NUDT8: variants seen among roughly 807,000 people sequenced by gnomAD.
The protein encoded by NUDT8 is mitochondrial coenzyme A diphosphatase NUDT8.
NUDT8 carries 14 observed loss-of-function variants against 12.5 expected under a neutral mutation model. The ratio of observed to expected loss-of-function variants is 1.12; its 90% CI spans 0.74 to 1.75. NUDT8 has a LOEUF of 1.75. NUDT8 is among the 40% of genes most tolerant of loss of function. The pLI is 0.00. For synonymous variants in NUDT8, 163 were observed against 156.2 expected (o/e 1.04, Z -0.33); for missense variants, 337 against 318.5 (o/e 1.06, Z -0.44).
chr11:67,629,167 G>C, intron 1 of NUDT8, 116 bp from the exon 2 acceptor site: 1 of 1,157,886 alleles, frequency 8.6e-7, no homozygotes, highest in Non-Finnish European at 1.2e-6. Context: ...TCTGCCCCTA[G>C]TTTACTGGGA....
intron 1 of NUDT8, 125 bp downstream of exon 1, chr11:67,629,593 C>T: frequency 2.1e-6 from 1 of 483,098 alleles, no homozygotes. Context: ...AGGGACTCTC[C>T]CCAGACCCAT....
chr11:67,629,847 GTGGC>G lies in NUDT8; in HGVS notation c.61_64del (p.Ala21ArgfsTer35). 1 of 1,278,146 alleles carries G rather than the reference GTGGC, an allele frequency of 7.8e-7. No homozygotes were observed. 79.2% of individuals were successfully genotyped at this position (1,278,146 alleles called of 1,614,324 possible). ...CGCGGGCCGCGCGCGGAGCCGGGCC[GTGGC>G]CCCTGCCAGCAGCCGGCGGCAGCGC... On this transcript the variant is annotated frameshift_variant, in exon 1 of 4. Transcript: ENST00000376693. LOFTEE classifies it high-confidence loss of function.
intron 2 of NUDT8, 81 bp downstream of exon 2, chr11:67,628,838 C>T (rs2134094681): frequency 6.6e-7 from 1 of 1,520,742 alleles, no homozygotes; most frequent in Non-Finnish European, 8.9e-7. Context: ...CATGACCACT[C>T]TCCTGGTCCC....
In NUDT8 at chr11:67,628,989, GTTTCCC is replaced by G; in HGVS notation, c.251_256del (p.Arg84_Thr86delinsPro). On this transcript the variant is annotated inframe_deletion, in exon 2 of 4. Transcript: ENST00000376693. ...CACTGCCAGGCCCAGCTCCTCCCGG[GTTTCCC>G]GCAGGGCCGTGTGCACCACATCTTG... 1 of 1,613,022 alleles carries G rather than the reference GTTTCCC, an allele frequency of 6.2e-7. No homozygotes were observed. Among genetic ancestry groups the G allele is most frequent in the Non-Finnish European group, 8.5e-7 (1 of 1,179,866 alleles).
chr11:67,629,800 G>T lies in NUDT8; in HGVS notation c.112C>A (p.Leu38Ile), dbSNP rs1855181039. 1 of 1,468,202 alleles carries T rather than the reference G, an allele frequency of 6.8e-7. No homozygotes were observed. Among genetic ancestry groups the T allele is most frequent in the South Asian group, 1.4e-5 (1 of 73,364 alleles). 90.9% of individuals were successfully genotyped at this position (1,468,202 alleles called of 1,614,324 possible). ...GCCGGGACCCCACGCACTGAGCAGA[G>T]CGGCACGAGCACCGCGGCCGACGCG... ...RPASAAVLVP[L>I]CSVRGVPALL... is the part of the protein sequence containing the mutation. Residue 38 changes from leucine (L) to isoleucine (I), a missense_variant, in exon 1 of 4, where the codon CTC (leucine) becomes ATC (isoleucine). By Grantham distance (5) the Leu-to-Ile change is conservative. Coordinates refer to ENST00000376693, the MANE Select transcript of NUDT8 (RefSeq NM_001243750.2).
intron 1 of NUDT8, 162 bp downstream of exon 1, chr11:67,629,556 T>A: frequency 2.4e-6 from 1 of 415,056 alleles, no homozygotes; most frequent in East Asian, 3.7e-5. Flanking sequence ...CACGGATCGC[T>A]GACCTCTCGC....
In NUDT8 at chr11:67,627,946, T is replaced by C; in HGVS notation, c.711A>G (p.Ter237TrpextTer?). The part of the protein sequence containing the change: ...SSTPGLNKGL[*>W] Reference sequence around the variant, plus strand: ...AGCAGAAGCAAGAGCTCTAGAGCTGTCAAAGACCTTTATTCAGTCCTGGAG... The same window carrying C: ...AGCAGAAGCAAGAGCTCTAGAGCTGCCAAAGACCTTTATTCAGTCCTGGAG... The change falls in exon 4 of 4, where the codon TGA becomes TGG. Residue 237 changes from the stop codon to tryptophan, a stop_lost. Coordinates refer to ENST00000376693, the MANE Select transcript of NUDT8 (RefSeq NM_001243750.2). 6.4e-7 allele frequency: 1 copy of C among 1,572,548 alleles called. No individual in the cohort carries two copies. The highest frequency in any genetic ancestry group is 2.2e-5 in the East Asian group (1 of 44,516).
In NUDT8 at chr11:67,628,014, G is replaced by C. The variant is rs569654818; in HGVS notation, c.643C>G (p.Arg215Gly). 7 of 1,598,186 alleles carry C rather than the reference G, an allele frequency of 4.4e-6. No individual in the cohort carries two copies. The South Asian group carries it at 6.6e-5, about 15-fold the overall frequency. ...LTCSGAEGLA[R>G]PKQPLASPCQ... ...GGTGAAGCCAGGGGCTGCTTAGGGC[G>C]GGCCAGACCCTCAGCCCCTGAGCAG... The change falls in exon 4 of 4, where the codon CGC (arginine) becomes GGC (glycine). Residue 215 changes from arginine (R) to glycine (G), a missense_variant. Transcript: ENST00000376693.
At chr11:67,628,758 G>C (rs1362363664) in intron 2 of NUDT8, among the ~76,000 whole-genome samples, 161 bp downstream of exon 2, 1 of 152,194 alleles carries the variant, frequency 6.6e-6, no homozygotes, top group Non-Finnish European at 1.5e-5. Context: ...TTCCCGAGGG[G>C]GTGTGTGGGG....
intron 1 of NUDT8, 61 bp from the exon 2 acceptor site, chr11:67,629,112 C>T (rs949699098): frequency 3.0e-5 from 45 of 1,521,344 alleles, no homozygotes; most frequent in Middle Eastern, 3.6e-4. Context: ...GTCGGGGTAT[C>T]GGCAGTGCGG....
chr11:67,628,877 A>G, intron 2 of NUDT8, 42 bp downstream of exon 2: 5 of 1,579,146 alleles, frequency 3.2e-6, no homozygotes, highest in Non-Finnish European at 4.3e-6. Flanking sequence ...GCAGGCACAG[A>G]GTGAGTGAAT....
chr11:67,629,550 G>T (rs1591120394), intron 1 of NUDT8, 168 bp downstream of exon 1: 2 of 411,546 alleles, frequency 4.9e-6, no homozygotes, highest in East Asian at 7.3e-5. Flanking sequence ...GACGGACACG[G>T]ATCGCTGACC....
chr11:67,629,884 C>T lies in NUDT8; in HGVS notation c.28G>A (p.Gly10Ser). 8.0e-7 allele frequency: 1 copy of T among 1,243,112 alleles called. No homozygotes were observed. The highest frequency in any genetic ancestry group is 1.6e-5 in the African/African-American group (1 of 63,944). 77.0% of individuals were successfully genotyped at this position (1,243,112 alleles called of 1,614,324 possible). A position where few individuals can be genotyped will look rare whatever the true frequency, so the allele number is the denominator to read the frequency against. MLPDCLSAE[G>S]ELRCRRLLAG... ...AGCAGCCGGCGGCAGCGCAGCTCGC[C>T]CTCGGCCGACAGGCAGTCGGGCAGC... Residue 10 changes from glycine to serine, a missense_variant, in exon 1 of 4, where the codon GGC (glycine) becomes AGC (serine). Physicochemically the swap from Gly to Ser is moderately conservative, Grantham distance 56. Coordinates refer to ENST00000376693, the MANE Select transcript of NUDT8 (RefSeq NM_001243750.2).
intron 1 of NUDT8, chr11:67,629,487 T>A (rs1231631733): frequency 2.5e-6 from 1 of 405,320 alleles, no homozygotes; most frequent in African/African-American, 2.1e-5. Flanking sequence ...CAAGGACGCG[T>A]ACGAGGGGCC....
chr11:67,629,735 C>G lies in NUDT8; in HGVS notation c.177G>C (p.Arg59Ser). 1 of 1,537,410 alleles carries G rather than the reference C, an allele frequency of 6.5e-7. No homozygotes were observed. Among genetic ancestry groups the G allele is most frequent in the Non-Finnish European group, 8.7e-7 (1 of 1,146,988 alleles). ...CGCTGTACCTGACGTCGCCCTTGTGCCTCCCGGTCAGGCGGCTGGACCGCA... is the reference window on the plus strand; with the variant it reads ...CGCTGTACCTGACGTCGCCCTTGTGGCTCCCGGTCAGGCGGCTGGACCGCA... The part of the protein sequence containing the change: ...YTLRSSRLTG[R>S]HKGDVSFPGG... Residue 59 changes from arginine (R) to serine (S), a missense_variant, in exon 1 of 4, where the codon AGG becomes AGC. Physicochemically the swap from Arg to Ser is moderately radical, Grantham distance 110. Coordinates refer to ENST00000376693, the MANE Select transcript of NUDT8 (RefSeq NM_001243750.2).
intron 1 of NUDT8, 87 bp from the exon 2 acceptor site, chr11:67,629,138 C>T (rs1855164215): frequency 1.4e-6 from 2 of 1,400,302 alleles, no homozygotes; most frequent in East Asian, 2.4e-5. Context: ...GCCACTGGCC[C>T]ACCGAAGTGT....
Position 67,628,024 on chromosome 11 carries a change from C to G in NUDT8, c.633G>C (p.Glu211Asp), listed in dbSNP as rs1031108157. The G allele has an allele frequency of 1.1e-5, 18 of 1,598,308 alleles. No homozygotes were observed. The highest frequency in any genetic ancestry group is 1.5e-5 in the Non-Finnish European group (18 of 1,179,772). Residue 211 changes from glutamate (E) to aspartate (D), a missense_variant, in exon 4 of 4, where the codon GAG becomes GAC. Glu to Asp is a conservative substitution (Grantham distance 45, BLOSUM62 2). Coordinates refer to ENST00000376693, the MANE Select transcript of NUDT8 (RefSeq NM_001243750.2). ...GGGGCTGCTTAGGGCGGGCCAGACC[C>G]TCAGCCCCTGAGCAGGTCAGGCCGG... Reference protein sequence around the residue: ...RLAGLTCSGAEGLARPKQPLA... With the variant: ...RLAGLTCSGADGLARPKQPLA...
Position 67,629,829 on chromosome 11 carries a change from C to A in NUDT8, c.83G>T (p.Arg28Leu). The A allele has an allele frequency of 1.5e-6, 2 of 1,377,260 alleles. No homozygotes were observed. The highest frequency in any genetic ancestry group is 1.9e-6 in the Non-Finnish European group (2 of 1,066,038). The allele number at this position is 1,377,260 out of a possible 1,614,324, so 85.3% of individuals were successfully genotyped here. The change falls in exon 1 of 4, where the codon CGG becomes CTG. Residue 28 changes from arginine to leucine, a missense_variant. Coordinates refer to ENST00000376693, the MANE Select transcript of NUDT8 (RefSeq NM_001243750.2). ...CACGAGCACCGCGGCCGACGCGGGC[C>A]GCGCGCGGAGCCGGGCCGTGGCCCC... ...LAGATARLRA[R>L]PASAAVLVPL...
At position 67,628,207 on chromosome 11, in the gene NUDT8, C is replaced by T. The variant is rs202173670; in HGVS notation, c.450G>A (p.Thr150=). 1.4e-5 allele frequency: 22 copies of T among 1,611,766 alleles called. No homozygotes were observed. The highest frequency in any genetic ancestry group is 4.4e-5 in the South Asian group (4 of 91,078). The part of the protein sequence containing the change: ...FALPLAHLLQ[T]QNQGYTHFCR... ...AGAAGTGGGTATAGCCCTGATTCTGCGTCTGCAGCAGGTGGGCCAGCGGCA... is the reference window on the plus strand; with the variant it reads ...AGAAGTGGGTATAGCCCTGATTCTGTGTCTGCAGCAGGTGGGCCAGCGGCA... The change falls in exon 4 of 4, where the codon ACG becomes ACA. Residue 150 remains threonine (T), a synonymous_variant. Coordinates refer to ENST00000376693, the MANE Select transcript of NUDT8 (RefSeq NM_001243750.2).
Sources: allele counts gnomAD v4.1 joint callset (sites outside exome capture counted in the v4.1 genomes callset), GRCh38; gene constraint gnomAD v4.1.1; transcripts MANE v1.5; gene names NCBI Gene and HGNC (gene_info 2026-07-23, HGNC 2026-07-21).